DOCK8: variants seen among roughly 807,000 people sequenced by gnomAD.
DOCK8 encodes the protein dedicator of cytokinesis protein 8.
Under a neutral mutation model 245.6 loss-of-function variants are expected in DOCK8, and 141 were observed. The observed-to-expected ratio is 0.57, with a 90% CI of 0.50 to 0.66. DOCK8 has a LOEUF of 0.66. Ranked by LOEUF, DOCK8 falls within the 30% of genes least tolerant of loss-of-function variation. The probability of loss-of-function intolerance (pLI) is 0.00; values close to 1 mark genes in which losing one functional copy is unlikely to be tolerated. For missense variants in DOCK8, 2,965 were observed against 2,603.4 expected, an observed-to-expected ratio of 1.14 and a Z score of -3.02; for synonymous variants, 1,168 against 970.2, an observed-to-expected ratio of 1.20 and a Z score of -3.79.
intron 46 of DOCK8, among the ~76,000 whole-genome samples, chr9:462,761 G>A (rs985382607): frequency 7.2e-5 from 11 of 152,244 alleles, no homozygotes; most frequent in African/African-American, 2.2e-4. Flanking sequence ...CCATATGTAC[G>A]TAGCAGGAGG....
chr9:361,445 C>T (rs1052163575), intron 14 of DOCK8, among the ~76,000 whole-genome samples: 2 of 152,350 alleles, frequency 1.3e-5, no homozygotes, highest in African/African-American at 4.8e-5. Context: ...TAGTATCATA[C>T]TTTGCAGCTT....
intron 4 of DOCK8, among the ~76,000 whole-genome samples, chr9:299,841 G>A (rs913644116): frequency 2.0e-5 from 3 of 151,854 alleles, no homozygotes. Flanking sequence ...CTAACACAGT[G>A]AAACCCCGTC....
rs114750623 is a variant in DOCK8 at position 401,589 on chromosome 9, A to G, written c.3234+2330A>G. On this transcript the variant is annotated intron_variant, in intron 26 of 47. Coordinates refer to ENST00000432829, the MANE Select transcript of DOCK8 (RefSeq NM_203447.4). ...TGCAAAGGAGGCAGGCACTAAATGG[A>G]TGAAAATCTGCTTATATGAGCTATT... 2.5e-3 allele frequency among the ~76,000 whole-genome samples: 385 copies of G among 152,234 alleles called. 4 individuals are homozygous for G. Among genetic ancestry groups the G allele is most frequent in the African/African-American group, 9.0e-3 (373 of 41,556 alleles).
chr9:289,282 TAAAG>T (rs1269629213), intron 3 of DOCK8, among the ~76,000 whole-genome samples: 4 of 152,294 alleles, frequency 2.6e-5, no homozygotes, highest in Admixed American at 6.5e-5. Flanking sequence ...TTCTGTATAA[TAAAG>T]AAAACCCACA....
At chr9:296,591 A>G (rs927116257) in intron 4 of DOCK8, among the ~76,000 whole-genome samples, 4 of 152,322 alleles carry the variant, frequency 2.6e-5, no homozygotes, top group Admixed American at 2.6e-4. Context: ...CTCCCAGTGA[A>G]GTGGTAAACA....
chr9:247,151 G>A (rs188641983), intron 1 of DOCK8, among the ~76,000 whole-genome samples: 6 of 152,292 alleles, frequency 3.9e-5, no homozygotes, highest in Non-Finnish European at 7.3e-5. Flanking sequence ...ACCACTTACA[G>A]CTGAATTGGA....
intron 5 of DOCK8, among the ~76,000 whole-genome samples, chr9:308,457 C>T (rs2049944452): frequency 6.6e-6 from 1 of 152,170 alleles, no homozygotes; most frequent in African/African-American, 2.4e-5. Context: ...TTTTCAATTC[C>T]ACTCTCATTC....
At chr9:318,002 G>A (rs1185589434) in intron 7 of DOCK8, among the ~76,000 whole-genome samples, 1 of 150,868 alleles carries the variant, frequency 6.6e-6, no homozygotes, top group Admixed American at 6.6e-5. Context: ...CTATAGACAT[G>A]TATTAATTTT....
intron 1 of DOCK8, among the ~76,000 whole-genome samples, chr9:230,935 G>T (rs1288769203): frequency 2.6e-5 from 4 of 151,968 alleles, no homozygotes; most frequent in Admixed American, 6.6e-5. Flanking sequence ...TGTGGCTTTT[G>T]TTGCCATTGC....
chr9:241,219 T>C (rs2047366461), intron 1 of DOCK8, among the ~76,000 whole-genome samples: 1 of 152,174 alleles, frequency 6.6e-6, no homozygotes, highest in Non-Finnish European at 1.5e-5. Flanking sequence ...TCTAATCATT[T>C]CTTTGTATTG....
intron 36 of DOCK8, among the ~76,000 whole-genome samples, chr9:430,440 G>A (rs146249196): frequency 8.9e-4 from 135 of 152,010 alleles, no homozygotes; most frequent in African/African-American, 3.1e-3. Context: ...CTAGCACTTC[G>A]GGAGGCCAAG....
Position 215,081 on chromosome 9 carries a change from T to G in DOCK8, c.53+52T>G, listed in dbSNP as rs192260189. The G allele has an allele frequency of 2.2e-3, 3,426 of 1,532,890 alleles. 62 individuals are homozygous for G. In the African/African-American group the frequency reaches 0.044, roughly 20 times the overall value. 95.0% of individuals were successfully genotyped at this position (1,532,890 alleles called of 1,614,324 possible). On this transcript the variant is annotated intron_variant, in intron 1 of 47. Transcript: ENST00000432829. The stretch of plus-strand genomic sequence containing the variant: ...TTGCGGCCGGACAGCCCAGCGCTGG[T>G]GTGAAGCGGAGCTTCGCTGCAGGGG...
intron 5 of DOCK8, among the ~76,000 whole-genome samples, chr9:306,994 A>C (rs2049864483): frequency 6.6e-6 from 1 of 152,158 alleles, no homozygotes; most frequent in Non-Finnish European, 1.5e-5. Flanking sequence ...TGGTACCTTC[A>C]AGGAGGTAAG....
chr9:433,726 A>AG, intron 37 of DOCK8, 149 bp from the exon 38 acceptor site: 1 of 696,316 alleles, frequency 1.4e-6, no homozygotes, highest in Admixed American at 2.1e-5. Flanking sequence ...AAAACTACAG[A>AG]GTCAGGTCTA....
chr9:246,725 G>T (rs562501909), intron 1 of DOCK8, among the ~76,000 whole-genome samples: 34 of 152,120 alleles, frequency 2.2e-4, no homozygotes, highest in African/African-American at 6.3e-4. Context: ...AGAGATTGTG[G>T]TCATGTAGTT....
chr9:439,429 C>A, intron 40 of DOCK8, 41 bp downstream of exon 40: 1 of 1,607,676 alleles, frequency 6.2e-7, no homozygotes, highest in Non-Finnish European at 8.5e-7. Flanking sequence ...GCCTCCCATA[C>A]TCCAGCTGGA....
At chr9:214,748 C>A (rs549052303), upstream of DOCK8, 8 of 1,524,280 alleles carry the variant, frequency 5.2e-6, no homozygotes, top group African/African-American at 7.2e-5. Flanking sequence ...CCTCGCCCGC[C>A]GCTGCCTGCG....
At chr9:459,612 A>C (rs971451528) in intron 46 of DOCK8, 17 of 152,416 alleles carry the variant, frequency 1.1e-4, no homozygotes, top group Non-Finnish European at 2.2e-4. Flanking sequence ...TATTGTGGCC[A>C]TGAGAATGGT....
At chr9:260,282 C>T (rs913332936) in intron 1 of DOCK8, among the ~76,000 whole-genome samples, 3 of 152,166 alleles carry the variant, frequency 2.0e-5, no homozygotes, top group African/African-American at 7.2e-5. Flanking sequence ...TTGAGTCTTA[C>T]AGTTACCCTG....
Sources: allele counts gnomAD v4.1 joint callset (sites outside exome capture counted in the v4.1 genomes callset), GRCh38; gene constraint gnomAD v4.1.1; transcripts MANE v1.5; gene names NCBI Gene and HGNC (gene_info 2026-07-23, HGNC 2026-07-21).